The following EOGT variants were observed in gnomAD, a reference collection of about 807,000 sequenced individuals.
The protein encoded by EOGT is EGF domain specific O-linked N-acetylglucosamine transferase.
Under a neutral mutation model 70.5 loss-of-function variants are expected in EOGT, and 55 were observed. That is an observed-to-expected ratio of 0.78 (90% CI 0.63 to 0.98). The LOEUF is 0.98. Among genes scored for constraint, EOGT ranks in the 50% least tolerant of loss-of-function variants. The pLI is 0.00. For synonymous variants in EOGT, 246 were observed against 217.1 expected, an observed-to-expected ratio of 1.13 and a Z score of -1.17; for missense variants, 703 against 641.9, an observed-to-expected ratio of 1.10 and a Z score of -1.03.
At chr3:69,008,919 A>G (rs2091502317) in intron 4 of EOGT, among the ~76,000 whole-genome samples, 1 of 152,242 alleles carries the variant, frequency 6.6e-6, no homozygotes. Flanking sequence ...GCTAAACTGA[A>G]TCAATCAGCA....
intron 8 of EOGT, 58 bp downstream of exon 8, chr3:69,004,320 G>A: frequency 8.0e-7 from 1 of 1,247,278 alleles, no homozygotes; most frequent in Non-Finnish European, 1.2e-6. Context: ...ATTAATATCT[G>A]CAAGTGCCGT....
At chr3:68,989,836 G>A (rs1174188360) in intron 10 of EOGT, among the ~76,000 whole-genome samples, 1 of 151,514 alleles carries the variant, frequency 6.6e-6, no homozygotes, top group Admixed American at 6.6e-5. Context: ...CAGCGCTTTG[G>A]GAGGCAAAGT....
At chr3:69,009,414 ATTTG>A (rs2091513906) in intron 4 of EOGT, among the ~76,000 whole-genome samples, 1 of 151,458 alleles carries the variant, frequency 6.6e-6, no homozygotes, top group African/African-American at 2.4e-5. Flanking sequence ...TTGGCTACTT[ATTTG>A]TTTTAGAAGT....
chr3:68,975,982 T>C lies in EOGT; in HGVS notation c.*1636A>G, dbSNP rs1575695163. 2 of 152,360 alleles carry C rather than the reference T, an allele frequency of 1.3e-5. No individual in the cohort carries two copies. The highest frequency in any genetic ancestry group is 4.8e-5 in the African/African-American group (2 of 41,586). The allele number at this position is 152,360 out of a possible 1,614,324, so 9.4% of individuals were successfully genotyped here. A position where few individuals can be genotyped will look rare whatever the true frequency, so the allele number is the denominator to read the frequency against. ...TTAAAAAATAGAAGTAACTAGTCTC[T>C]AAATCAGACTACTCAAGTGTTAATA... On this transcript the variant is annotated 3_prime_UTR_variant, in exon 18 of 18. Transcript: ENST00000383701.
intron 16 of EOGT, 99 bp downstream of exon 16, chr3:68,979,569 G>T (rs1400556080): frequency 3.1e-6 from 4 of 1,289,890 alleles, no homozygotes; most frequent in African/African-American, 3.0e-5. Flanking sequence ...CTTTTTGAAT[G>T]ATTAAATATT....
chr3:68,982,807 T>C lies in EOGT; in HGVS notation c.1214+4A>G. On this transcript the variant is annotated splice_donor_region_variant and intron_variant, in intron 15 of 17. Transcript: ENST00000383701. ...AGTGTCTGCTGAGATTGGCTATTACTTACCTATACTTGTAATCAACAATCT... is the reference window on the plus strand; with the variant it reads ...AGTGTCTGCTGAGATTGGCTATTACCTACCTATACTTGTAATCAACAATCT... 1.9e-6 allele frequency: 3 copies of C among 1,600,820 alleles called. No individual in the cohort carries two copies. The highest frequency in any genetic ancestry group is 2.6e-6 in the Non-Finnish European group (3 of 1,173,056).
At chr3:68,993,278 T>C (rs1403394552) in intron 10 of EOGT, among the ~76,000 whole-genome samples, 1 of 152,170 alleles carries the variant, frequency 6.6e-6, no homozygotes, top group African/African-American at 2.4e-5. Context: ...AGCACCCAAA[T>C]CACCTTTTGA....
intron 15 of EOGT, among the ~76,000 whole-genome samples, chr3:68,982,452 G>A (rs1234911076): frequency 6.6e-6 from 1 of 152,126 alleles, no homozygotes; most frequent in Non-Finnish European, 1.5e-5. Context: ...CCCAGGAGGT[G>A]GAGGTTGCAG....
chr3:68,987,688 A>G, intron 13 of EOGT, 175 bp from the exon 14 acceptor site: 3 of 606,784 alleles, frequency 4.9e-6, no homozygotes, highest in Non-Finnish European at 8.6e-6. Context: ...AAATGTATCC[A>G]CTTCAACCAC....
Position 68,998,060 on chromosome 3 carries a change from T to C in EOGT, c.782A>G (p.His261Arg). The change falls in exon 10 of 18, where the codon CAC becomes CGC. Residue 261 changes from histidine (H) to arginine (R), a missense_variant. By Grantham distance (29) the His-to-Arg change is conservative. Transcript: ENST00000383701. The part of the protein sequence containing the change: ...CDFINLYITQ[H>R]VNNSFSTDVY... ...GTCAGTACTGAATGAGTTATTAACG[T>C]GCTGAGTAATATAAAGATTGATGAA... The C allele has an allele frequency of 6.2e-7, 1 of 1,602,334 alleles. No homozygotes were observed. Among genetic ancestry groups the C allele is most frequent in the Non-Finnish European group, 8.5e-7 (1 of 1,174,414 alleles).
chr3:69,011,875 T>A (rs2091586889), intron 3 of EOGT, 61 bp downstream of exon 3: 1 of 152,166 alleles, frequency 6.6e-6, no homozygotes, highest in Admixed American at 6.5e-5. Flanking sequence ...AGCAGTTTTA[T>A]AAAAATTTAA....
In EOGT at chr3:68,994,375, G is replaced by A. The variant is rs570190199; in HGVS notation, c.831+3636C>T. 9.2e-5 allele frequency among the ~76,000 whole-genome samples: 14 copies of A among 152,180 alleles called. No individual in the cohort carries two copies. The South Asian group carries it at 2.5e-3, about 27-fold the overall frequency. On this transcript the variant is annotated intron_variant, in intron 10 of 17. Transcript: ENST00000383701. ...AGAGTCCTGCAAGGGACTCACACACGTTAAATGCAGTTACCCTTGGGGGAA... is the reference window on the plus strand; with the variant it reads ...AGAGTCCTGCAAGGGACTCACACACATTAAATGCAGTTACCCTTGGGGGAA...
Position 69,009,624 on chromosome 3 carries a change from AAAT to A in EOGT, c.210+10_210+12del, listed in dbSNP as rs1473431092. ...ATCCTCATAAAAATAAGGAGAAAAG[AAAT>A]AATACCTACCTTATATGGACAAAGA... On this transcript the variant is annotated intron_variant, in intron 4 of 17. Coordinates refer to ENST00000383701, the MANE Select transcript of EOGT (RefSeq NM_001278689.2). The A allele has an allele frequency of 6.3e-7, 1 of 1,597,804 alleles. No individual in the cohort carries two copies. Among genetic ancestry groups the A allele is most frequent in the African/African-American group, 1.3e-5 (1 of 74,584 alleles).
At position 69,004,438 on chromosome 3, in the gene EOGT, C is replaced by T; in HGVS notation, c.560G>A (p.Cys187Tyr). The T allele has an allele frequency of 1.9e-6, 3 of 1,614,060 alleles. No individual in the cohort carries two copies. Among genetic ancestry groups the T allele is most frequent in the Non-Finnish European group, 2.5e-6 (3 of 1,179,926 alleles). ...FFQSGEIGGH[C>Y]KLDIRTLTSE... ...CGTCAATGTACGGATGTCAAGTTTACAGTGCCCTCCAATTTCACCACTCTG... is the reference window on the plus strand; with the variant it reads ...CGTCAATGTACGGATGTCAAGTTTATAGTGCCCTCCAATTTCACCACTCTG... The change falls in exon 8 of 18, where the codon TGT (cysteine) becomes TAT (tyrosine). Residue 187 changes from cysteine to tyrosine, a missense_variant. Cys to Tyr is a radical substitution (Grantham distance 194, BLOSUM62 -2). Coordinates refer to ENST00000383701, the MANE Select transcript of EOGT (RefSeq NM_001278689.2).
In EOGT at chr3:68,988,318, T is replaced by G; in HGVS notation, c.1060A>C (p.Asn354His). Residue 354 changes from asparagine to histidine, a missense_variant, in exon 13 of 18, where the codon AAC becomes CAC. By Grantham distance (68) the Asn-to-His change is moderately conservative (BLOSUM62 1). Transcript: ENST00000383701. Reference sequence around the variant, plus strand: ...ACCTTAGGTCCTTCTTGTGTGATGTTTAGTCTGTGTAGTACATGCTGGGCA... The same window carrying G: ...ACCTTAGGTCCTTCTTGTGTGATGTGTAGTCTGTGTAGTACATGCTGGGCA... ...AFAQHVLHRL[N>H]ITQEGPKDGK... The G allele has an allele frequency of 6.5e-7, 1 of 1,535,948 alleles. No homozygotes were observed. Among genetic ancestry groups the G allele is most frequent in the South Asian group, 1.2e-5 (1 of 84,044 alleles).
chr3:68,987,564 G>T, intron 13 of EOGT, 51 bp from the exon 14 acceptor site: 2 of 1,339,946 alleles, frequency 1.5e-6, no homozygotes, highest in South Asian at 1.2e-5. Flanking sequence ...CTGGGTAGAT[G>T]AATGAACATC....
chr3:69,009,888 T>C, intron 3 of EOGT, 28 bp from the exon 4 acceptor site: 1 of 1,482,778 alleles, frequency 6.7e-7, no homozygotes, highest in Non-Finnish European at 9.2e-7. Flanking sequence ...GACAACTTTG[T>C]TAACAAATTT....
chr3:69,013,291 G>T (rs577775978), intron 1 of EOGT, among the ~76,000 whole-genome samples: 1 of 151,842 alleles, frequency 6.6e-6, no homozygotes, highest in African/African-American at 2.4e-5. Flanking sequence ...GCTCCGCCCC[G>T]GCTGGAAACC....
intron 15 of EOGT, 38 bp downstream of exon 15, chr3:68,982,773 A>G: frequency 6.5e-7 from 1 of 1,534,588 alleles, no homozygotes. Context: ...CATCCAAGCA[A>G]AAGTTGACAG....
Sources: allele counts gnomAD v4.1 joint callset (sites outside exome capture counted in the v4.1 genomes callset), GRCh38; gene constraint gnomAD v4.1.1; transcripts MANE v1.5; gene names NCBI Gene and HGNC (gene_info 2026-07-23, HGNC 2026-07-21).